Variants in SDK1 observed in about 807,000 individuals in gnomAD.
The protein encoded by SDK1 is sidekick cell adhesion molecule 1.
Under a neutral mutation model 245.5 loss-of-function variants are expected in SDK1, and 157 were observed. The observed-to-expected ratio is 0.64, with a 90% confidence interval of 0.56 to 0.73. The LOEUF (loss-of-function observed/expected upper bound fraction) is 0.73, where lower values mean the gene tolerates loss of function less well. Among genes scored for constraint, SDK1 ranks in the 30% least tolerant of loss-of-function variants. The pLI is 0.00. For synonymous variants in SDK1, 1,647 were observed against 1,278.5 expected, an observed-to-expected ratio of 1.29 and a Z score of -6.15; for missense variants, 3,583 against 3,002.3, an observed-to-expected ratio of 1.19 and a Z score of -4.52.
In SDK1 at chr7:3,880,231, T is replaced by A. The variant is rs566900338; in HGVS notation, c.847+58648T>A. On this transcript the variant is annotated intron_variant, in intron 5 of 44. Coordinates refer to ENST00000404826, the MANE Select transcript of SDK1 (RefSeq NM_152744.4). Reference sequence around the variant, plus strand: ...GGTGGGCCTTCATTGCTGACAAAAATGATTTTAAAACATTAGCTCTATTAG... The same window carrying A: ...GGTGGGCCTTCATTGCTGACAAAAAAGATTTTAAAACATTAGCTCTATTAG... Among the ~76,000 whole-genome samples, 4 of 152,254 alleles carry A rather than the reference T, an allele frequency of 2.6e-5. No homozygotes were observed. The South Asian group carries it at 8.3e-4, about 32-fold the overall frequency.
chr7:3,356,637 T>G (rs1012421945), intron 1 of SDK1, among the ~76,000 whole-genome samples: 1 of 152,240 alleles, frequency 6.6e-6, no homozygotes, highest in Non-Finnish European at 1.5e-5. Flanking sequence ...TCTGTAATTG[T>G]TTGTTACAAT....
chr7:4,258,382 A>G (rs1025671490), intron 44 of SDK1, among the ~76,000 whole-genome samples: 2 of 152,298 alleles, frequency 1.3e-5, no homozygotes, highest in South Asian at 2.1e-4. Flanking sequence ...GAGATGCCCA[A>G]AGGGTCACCG....
At chr7:4,015,028 T>TA (rs766493011) in intron 16 of SDK1, among the ~76,000 whole-genome samples, 62 of 152,276 alleles carry the variant, frequency 4.1e-4, no homozygotes, top group Admixed American at 4.6e-4. Context: ...AACTCATAGT[T>TA]ATCTCTACCA....
At chr7:3,910,907 G>C (rs1171914274) in intron 5 of SDK1, among the ~76,000 whole-genome samples, 1 of 152,198 alleles carries the variant, frequency 6.6e-6, no homozygotes, top group Non-Finnish European at 1.5e-5. Context: ...CTGTGGAGCA[G>C]GGTGGGCCTC....
intron 28 of SDK1, among the ~76,000 whole-genome samples, chr7:4,145,187 G>C (rs546789456): frequency 6.6e-6 from 1 of 152,192 alleles, no homozygotes. Flanking sequence ...AGAAGGGGCC[G>C]GATGGACGTT....
At chr7:3,583,211 T>C (rs1231470762) in intron 1 of SDK1, among the ~76,000 whole-genome samples, 3 of 152,198 alleles carry the variant, frequency 2.0e-5, no homozygotes, top group African/African-American at 7.2e-5. Flanking sequence ...AGGATTATCA[T>C]TTATGCCTGA....
intron 1 of SDK1, among the ~76,000 whole-genome samples, chr7:3,428,574 A>T (rs1279099480): frequency 3.3e-5 from 5 of 152,152 alleles, no homozygotes; most frequent in Non-Finnish European, 7.4e-5. Context: ...ATACAAATGG[A>T]TTGTCTTCAG....
At chr7:3,895,023 A>G (rs1279248031) in intron 5 of SDK1, among the ~76,000 whole-genome samples, 1 of 152,104 alleles carries the variant, frequency 6.6e-6, no homozygotes, top group African/African-American at 2.4e-5. Context: ...CGTGTCTCTA[A>G]TGTACATTTT....
intron 1 of SDK1, among the ~76,000 whole-genome samples, chr7:3,427,133 C>G (rs367941906): frequency 2.0e-5 from 3 of 152,106 alleles, no homozygotes; most frequent in African/African-American, 7.2e-5. Flanking sequence ...ATTCCCATGA[C>G]CTTTGAATGT....
chr7:3,741,996 A>ATATATATG (rs997363035), intron 4 of SDK1, among the ~76,000 whole-genome samples: 1 of 147,576 alleles, frequency 6.8e-6, no homozygotes, highest in African/African-American at 2.5e-5. Flanking sequence ...GCATATATAT[A>ATATATATG]TATATATATA....
intron 5 of SDK1, among the ~76,000 whole-genome samples, chr7:3,921,599 G>C (rs1196557263): frequency 6.6e-6 from 1 of 152,104 alleles, no homozygotes; most frequent in Non-Finnish European, 1.5e-5. Flanking sequence ...GGATTTTTAT[G>C]AACAAAAGGA....
At chr7:3,950,360 C>A (rs184824668) in intron 5 of SDK1, among the ~76,000 whole-genome samples, 3 of 152,340 alleles carry the variant, frequency 2.0e-5, no homozygotes, top group African/African-American at 7.2e-5. Flanking sequence ...ATGCTCCGAT[C>A]ATCCCATCTT....
intron 1 of SDK1, among the ~76,000 whole-genome samples, chr7:3,512,212 G>T (rs781586078): frequency 6.6e-6 from 1 of 151,932 alleles, no homozygotes; most frequent in African/African-American, 2.4e-5. Context: ...GGATCATACA[G>T]AATATAGACT....
chr7:3,960,816 A>G (rs1583643842), intron 8 of SDK1, among the ~76,000 whole-genome samples: 2 of 152,176 alleles, frequency 1.3e-5, no homozygotes, highest in Admixed American at 6.5e-5. Context: ...CAGTGGTTGC[A>G]TTGTTCTTTC....
In SDK1 at chr7:3,823,086, T is replaced by C. The variant is rs556574070; in HGVS notation, c.847+1503T>C. 2.0e-5 allele frequency among the ~76,000 whole-genome samples: 3 copies of C among 152,300 alleles called. No homozygotes were observed. The East Asian group carries it at 5.8e-4, about 29-fold the overall frequency. On this transcript the variant is annotated intron_variant, in intron 5 of 44. Coordinates refer to ENST00000404826, the MANE Select transcript of SDK1 (RefSeq NM_152744.4). ...GTCTTTGTGATGCCATGGAGAATGA[T>C]GCACGTGGATTAGGGGTGGGGTTCA... is the stretch of plus-strand genomic sequence containing the variant.
chr7:3,693,269 A>G (rs1023139269), intron 4 of SDK1, among the ~76,000 whole-genome samples: 19 of 152,070 alleles, frequency 1.2e-4, no homozygotes, highest in African/African-American at 4.6e-4. Context: ...TTCTTTTACT[A>G]ATTTCCCTTT....
chr7:4,110,436 G>C lies in SDK1; in HGVS notation c.3325-227G>C, dbSNP rs145161044. On this transcript the variant is annotated intron_variant, in intron 22 of 44. Transcript: ENST00000404826. ...CCAGTCCTTCTGTGGCCCAGTTCTTGACTGTGAGCTTTTGACTAAAACTCA... is the reference window on the plus strand; with the variant it reads ...CCAGTCCTTCTGTGGCCCAGTTCTTCACTGTGAGCTTTTGACTAAAACTCA... Among the ~76,000 whole-genome samples the C allele has an allele frequency of 6.7e-3, 1,027 of 152,276 alleles. 9 individuals carry two copies. Among genetic ancestry groups the C allele is most frequent in the African/African-American group, 0.024 (986 of 41,538 alleles).
At chr7:4,132,215 T>C in intron 27 of SDK1, 110 bp from the exon 28 acceptor site, 1 of 808,034 alleles carries the variant, frequency 1.2e-6, no homozygotes, top group East Asian at 2.7e-5. Context: ...CACGACAGTG[T>C]AGCCTGTGGT....
At chr7:3,571,039 C>T (rs2128629487) in intron 1 of SDK1, among the ~76,000 whole-genome samples, 1 of 152,124 alleles carries the variant, frequency 6.6e-6, no homozygotes, top group Non-Finnish European at 1.5e-5. Flanking sequence ...TCCCAAAATA[C>T]ATTTACTTAA....
Sources: gnomAD v4.1 joint callset for allele counts (sites outside exome capture counted in the v4.1 genomes callset) on GRCh38, gnomAD v4.1.1 for gene constraint, MANE v1.5 for transcripts, NCBI Gene and HGNC (gene_info 2026-07-23, HGNC 2026-07-21) for gene names.